The following GALNT14 variants were observed in gnomAD, a reference collection of about 807,000 sequenced individuals.
The protein encoded by GALNT14 is polypeptide N-acetylgalactosaminyltransferase 14.
GALNT14 carries 60 observed loss-of-function variants against 77.5 expected under a neutral mutation model. The ratio of observed to expected loss-of-function variants is 0.77; its 90% CI spans 0.63 to 0.96. The LOEUF (loss-of-function observed/expected upper bound fraction) is 0.96, where lower values mean the gene tolerates loss of function less well. GALNT14 is among the 40% of genes least tolerant of loss of function. The probability of loss-of-function intolerance (pLI) is 0.00; values close to 1 mark genes in which losing one functional copy is unlikely to be tolerated. For missense variants in GALNT14, 710 were observed against 731.0 expected (o/e 0.97, Z 0.33); for synonymous variants, 280 against 281.7 (o/e 0.99, Z 0.06).
At chr2:30,918,889 A>G (rs1298747038) in intron 13 of GALNT14, among the ~76,000 whole-genome samples, 1 of 151,732 alleles carries the variant, frequency 6.6e-6, no homozygotes, top group African/African-American at 2.4e-5. Context: ...GGAGGGTGGC[A>G]TCGGGCAGGG....
chr2:31,091,015 T>C (rs1428717913), intron 1 of GALNT14, among the ~76,000 whole-genome samples: 1 of 152,196 alleles, frequency 6.6e-6, no homozygotes, highest in Non-Finnish European at 1.5e-5. Flanking sequence ...CCTTTTCCTC[T>C]TTTATGAAGG....
intron 1 of GALNT14, among the ~76,000 whole-genome samples, chr2:31,115,757 C>T (rs973567590): frequency 2.0e-5 from 3 of 152,170 alleles, no homozygotes; most frequent in African/African-American, 7.2e-5. Context: ...TCATAAAAGG[C>T]TCAATTTACT....
intron 10 of GALNT14, among the ~76,000 whole-genome samples, chr2:30,931,266 A>T (rs544788117): frequency 6.6e-6 from 1 of 152,240 alleles, no homozygotes; most frequent in Non-Finnish European, 1.5e-5. Context: ...ACCCCAATGG[A>T]CCAAATGACA....
At chr2:30,981,158 C>T (rs1668966701) in intron 2 of GALNT14, among the ~76,000 whole-genome samples, 1 of 152,236 alleles carries the variant, frequency 6.6e-6, no homozygotes, top group Non-Finnish European at 1.5e-5. Flanking sequence ...CTTGAAATTT[C>T]CTCAAGCCAA....
At chr2:30,928,105 T>C (rs541728253) in intron 11 of GALNT14, among the ~76,000 whole-genome samples, 1 of 152,262 alleles carries the variant, frequency 6.6e-6, no homozygotes, top group Non-Finnish European at 1.5e-5. Flanking sequence ...GAAGTTCTGA[T>C]GAGGACTGAA....
chr2:30,971,680 C>T (rs58317898), intron 2 of GALNT14, among the ~76,000 whole-genome samples: 17,663 of 152,082 alleles, frequency 0.12, 1,273 homozygotes, highest in East Asian at 0.27. Flanking sequence ...CTCTGAGATG[C>T]TAACCCCAGG....
At chr2:30,946,466 T>C (rs1666706010) in intron 6 of GALNT14, among the ~76,000 whole-genome samples, 1 of 152,180 alleles carries the variant, frequency 6.6e-6, no homozygotes, top group Admixed American at 6.5e-5. Context: ...TCCCCACTCA[T>C]TTGCTCTGTT....
chr2:31,097,467 T>A (rs1046153901), intron 1 of GALNT14, among the ~76,000 whole-genome samples: 3 of 149,524 alleles, frequency 2.0e-5, no homozygotes, highest in Non-Finnish European at 3.0e-5. Context: ...ATGTGAGATA[T>A]GAAGGCAAGG....
chr2:31,046,263 G>A (rs1171452312), intron 1 of GALNT14, among the ~76,000 whole-genome samples: 1 of 140,836 alleles, frequency 7.1e-6, no homozygotes, highest in African/African-American at 2.7e-5. Context: ...GTCTCGCTCT[G>A]TCGCCCAGGC....
intron 1 of GALNT14, among the ~76,000 whole-genome samples, chr2:31,100,213 T>C (rs1677196822): frequency 6.6e-6 from 1 of 152,022 alleles, no homozygotes; most frequent in Non-Finnish European, 1.5e-5. Flanking sequence ...TTAAGCACAA[T>C]GATGTACAAT....
At chr2:30,931,726 G>GT (rs1346207577) in intron 10 of GALNT14, among the ~76,000 whole-genome samples, 1 of 152,104 alleles carries the variant, frequency 6.6e-6, no homozygotes, top group African/African-American at 2.4e-5. Context: ...GAACTCCAAA[G>GT]TAAAAAGGGC....
intron 1 of GALNT14, among the ~76,000 whole-genome samples, chr2:31,078,688 C>A (rs1182550326): frequency 3.3e-5 from 5 of 152,164 alleles, no homozygotes. Flanking sequence ...TCTCAGGCCC[C>A]GGGGCCACAC....
chr2:31,046,227 CTT>C (rs57864916), intron 1 of GALNT14, among the ~76,000 whole-genome samples: 80 of 134,012 alleles, frequency 6.0e-4, no homozygotes, highest in Admixed American at 9.7e-4. Context: ...AACCCATATT[CTT>C]TTTTTTTTTT....
At chr2:31,048,122 G>C (rs1673592453) in intron 1 of GALNT14, among the ~76,000 whole-genome samples, 1 of 152,248 alleles carries the variant, frequency 6.6e-6, no homozygotes. Context: ...AAAAGGGCCA[G>C]ACCCGAAGGC....
intron 1 of GALNT14, among the ~76,000 whole-genome samples, chr2:31,124,267 G>A (rs1025074350): frequency 2.0e-5 from 3 of 152,144 alleles, no homozygotes; most frequent in Non-Finnish European, 2.9e-5. Flanking sequence ...AGCATCCTAC[G>A]TCCGGTCTTA....
At chr2:30,912,200 C>T in intron 14 of GALNT14, 23 bp downstream of exon 14, 1 of 1,613,376 alleles carries the variant, frequency 6.2e-7, no homozygotes, top group Non-Finnish European at 8.5e-7. Context: ...TGGCCACATC[C>T]CAGGGACCTG....
chr2:30,920,797 G>A (rs750533035), intron 13 of GALNT14, among the ~76,000 whole-genome samples: 9 of 152,270 alleles, frequency 5.9e-5, no homozygotes, highest in Middle Eastern at 3.4e-3. Context: ...GAGGGCAGGG[G>A]CTCTGTCTCA....
In GALNT14 at chr2:31,093,167, G is replaced by T. The variant is rs188952894; in HGVS notation, c.129+44791C>A. ...CTCTGCCCACCATGTGGGATCAGGA[G>T]CAGGGAAAGCTGGCTTACTAGGAAA... On this transcript the variant is annotated intron_variant, in intron 1 of 14. Transcript: ENST00000349752. 4.6e-3 allele frequency among the ~76,000 whole-genome samples: 699 copies of T among 152,268 alleles called. 7 individuals are homozygous for T. The highest frequency in any genetic ancestry group is 0.017 in the Middle Eastern group (5 of 294).
intron 1 of GALNT14, among the ~76,000 whole-genome samples, chr2:31,088,182 G>C (rs910893632): frequency 2.0e-5 from 3 of 152,232 alleles, no homozygotes; most frequent in African/African-American, 7.2e-5. Context: ...GAGGCCACTG[G>C]AGTGGGATGA....
Sources: gnomAD v4.1 joint callset for allele counts (sites outside exome capture counted in the v4.1 genomes callset) on GRCh38, gnomAD v4.1.1 for gene constraint, MANE v1.5 for transcripts, NCBI Gene and HGNC (gene_info 2026-07-23, HGNC 2026-07-21) for gene names.